The following TRIP11 variants were observed in gnomAD, a reference collection of about 807,000 sequenced individuals.
The protein encoded by TRIP11 is thyroid hormone receptor interactor 11.
Under a neutral mutation model 223.1 loss-of-function variants are expected in TRIP11, and 148 were observed. The ratio of observed to expected loss-of-function variants is 0.66; its 90% CI spans 0.58 to 0.76. The LOEUF (loss-of-function observed/expected upper bound fraction) is 0.76. Among genes scored for constraint, TRIP11 ranks in the 30% least tolerant of loss-of-function variants. The pLI is 0.00. For missense variants in TRIP11, 2,043 were observed against 2,222.0 expected, an observed-to-expected ratio of 0.92 and a Z score of 1.62; for synonymous variants, 762 against 772.6, an observed-to-expected ratio of 0.99 and a Z score of 0.23.
In TRIP11 at chr14:91,966,374, T is replaced by G. The variant is rs1238779465; in HGVS notation, c.*3299A>C. ...ATATTTACAAAACTTAAAGATAAAT[T>G]TTTGTGGATGGAAGATGTCTTGAAT... is the stretch of plus-strand genomic sequence containing the variant. On this transcript the variant is annotated 3_prime_UTR_variant, in exon 21 of 21. Transcript: ENST00000267622. 1.1e-5 allele frequency: 2 copies of G among 184,128 alleles called. No homozygotes were observed. The highest frequency in any genetic ancestry group is 2.3e-5 in the Non-Finnish European group (2 of 86,838). The allele number at this position is 184,128 out of a possible 1,614,324, so 11.4% of individuals were successfully genotyped here.
At chr14:92,017,937 TATC>T (rs2057056250) in intron 4 of TRIP11, among the ~76,000 whole-genome samples, 187 bp from the exon 5 acceptor site, 1 of 152,174 alleles carries the variant, frequency 6.6e-6, no homozygotes, top group African/African-American at 2.4e-5. Context: ...AAATAAAAGA[TATC>T]ATATTTAAGA....
intron 2 of TRIP11, among the ~76,000 whole-genome samples, chr14:92,028,468 G>A (rs2057217964): frequency 6.6e-6 from 1 of 152,108 alleles, no homozygotes; most frequent in Non-Finnish European, 1.5e-5. Flanking sequence ...AGGGAAGACT[G>A]CTTGAACCTG....
Position 92,039,549 on chromosome 14 carries a change from T to C in TRIP11, c.137A>G (p.Glu46Gly), listed in dbSNP as rs1348250500. The change falls in exon 1 of 21, where the codon GAA becomes GGA. Residue 46 changes from glutamate to glycine, a missense_variant and splice_region_variant. Coordinates refer to ENST00000267622, the MANE Select transcript of TRIP11 (RefSeq NM_004239.4). ...DMLMEGTEEV[E>G]AELPDSRTKE... is the part of the protein sequence containing the mutation. ...CCTTCCCTCGCTCCAGCTGTTACCT[T>C]CCACTTCCTCCGTGCCCTCCATCAG... 1.2e-6 allele frequency: 2 copies of C among 1,613,732 alleles called. No individual in the cohort carries two copies. Among genetic ancestry groups the C allele is most frequent in the African/African-American group, 1.3e-5 (1 of 74,998 alleles).
chr14:91,992,774 T>C (rs12432050), intron 15 of TRIP11, among the ~76,000 whole-genome samples: 44 of 151,674 alleles, frequency 2.9e-4, no homozygotes, highest in African/African-American at 9.9e-4. Context: ...CCGGGTGTGG[T>C]GGCGGGCACC....
intron 15 of TRIP11, among the ~76,000 whole-genome samples, chr14:91,992,501 G>T (rs902243907): frequency 6.6e-6 from 1 of 151,994 alleles, no homozygotes; most frequent in African/African-American, 2.4e-5. Context: ...TTATTAGGAA[G>T]TATATCTTCA....
chr14:91,994,007 GT>G, intron 14 of TRIP11, 95 bp from the exon 15 acceptor site: 1 of 904,878 alleles, frequency 1.1e-6, no homozygotes. Context: ...AACGAAAACA[GT>G]TCAAATGTCT....
chr14:91,981,998 T>C (rs1048657907), intron 16 of TRIP11, among the ~76,000 whole-genome samples: 1 of 152,008 alleles, frequency 6.6e-6, no homozygotes, highest in African/African-American at 2.4e-5. Flanking sequence ...AATAAACTTC[T>C]ACTTCTTAGC....
At chr14:91,973,276 G>A (rs143362747) in intron 19 of TRIP11, among the ~76,000 whole-genome samples, 126 of 152,006 alleles carry the variant, frequency 8.3e-4, no homozygotes, top group African/African-American at 2.8e-3. Flanking sequence ...CGCCCACCTC[G>A]GCCTCCCAAA....
chr14:91,978,043 G>A lies in TRIP11; in HGVS notation c.5261-1854C>T, dbSNP rs902451109. Among the ~76,000 whole-genome samples the A allele has an allele frequency of 1.3e-5, 2 of 152,110 alleles. No homozygotes were observed. The highest frequency in any genetic ancestry group is 4.8e-5 in the African/African-American group (2 of 41,412). ...TAAACTTGGACGAGAGAGGGAGAGA[G>A]AGAAGGGGAGAGAGAGGGCGAAAAG... On this transcript the variant is annotated intron_variant, in intron 16 of 20. Transcript: ENST00000267622. The surrounding 1 kb of genome is among the most constrained non-coding windows in gnomAD (Gnocchi z 4.4).
intron 9 of TRIP11, among the ~76,000 whole-genome samples, chr14:92,009,677 C>T (rs916837031): frequency 2.6e-5 from 4 of 152,016 alleles, no homozygotes; most frequent in African/African-American, 7.3e-5. Flanking sequence ...CAGTGTAGTG[C>T]CCACAACTAA....
chr14:92,007,430 G>T (rs1022220743), intron 10 of TRIP11, among the ~76,000 whole-genome samples: 3 of 152,180 alleles, frequency 2.0e-5, no homozygotes, highest in Admixed American at 2.0e-4. Flanking sequence ...TTGAAACATG[G>T]TCACACTCAT....
intron 2 of TRIP11, among the ~76,000 whole-genome samples, chr14:92,027,956 T>G (rs141097085): frequency 1.9e-4 from 29 of 152,328 alleles, no homozygotes; most frequent in Admixed American, 3.9e-4. Context: ...CAGACCTTAA[T>G]TATCCTGAAG....
intron 16 of TRIP11, among the ~76,000 whole-genome samples, chr14:91,985,843 CT>C (rs2056598537): frequency 6.6e-6 from 1 of 152,156 alleles, no homozygotes; most frequent in South Asian, 2.1e-4. Flanking sequence ...TACAGCGATT[CT>C]TTTGAAACAA....
chr14:92,026,770 G>C, intron 2 of TRIP11: 1 of 1,191,912 alleles, frequency 8.4e-7, no homozygotes. Flanking sequence ...TGAGGGTGAG[G>C]AAGAAGGATG....
At position 92,005,517 on chromosome 14, in the gene TRIP11, A is replaced by C; in HGVS notation, c.2459T>G (p.Leu820Arg). ...CTGCAGCTTTGAACTTCTTTCTTTA[A>C]GCTTTTCAATAAAAATTTCTTTCTT... The part of the protein sequence containing the change: ...INKKEIFIEK[L>R]KERSSKLQEE... Residue 820 changes from leucine (L) to arginine (R), a missense_variant, in exon 11 of 21, where the codon CTT (leucine) becomes CGT (arginine). By Grantham distance (102) the Leu-to-Arg change is moderately radical (BLOSUM62 -2). Coordinates refer to ENST00000267622, the MANE Select transcript of TRIP11 (RefSeq NM_004239.4). 6.2e-7 allele frequency: 1 copy of C among 1,611,998 alleles called. No homozygotes were observed. Among genetic ancestry groups the C allele is most frequent in the Non-Finnish European group, 8.5e-7 (1 of 1,179,666 alleles).
chr14:91,969,923 T>C (rs771197107), intron 20 of TRIP11, 30 bp from the exon 21 acceptor site: 4 of 1,592,376 alleles, frequency 2.5e-6, no homozygotes, highest in East Asian at 2.2e-5. Flanking sequence ...TTTAGTCTCC[T>C]ATCTTTCACA....
intron 16 of TRIP11, among the ~76,000 whole-genome samples, chr14:91,984,436 C>A (rs1566847598): frequency 6.6e-6 from 1 of 151,640 alleles, no homozygotes; most frequent in Non-Finnish European, 1.5e-5. Context: ...GTGGCTCAGC[C>A]TCCCAAGAAG....
rs2056348888 is a variant in TRIP11, at chr14:91,967,134, G to GTTTTTTTTTTTTTT, written c.*2538_*2539insAAAAAAAAAAAAAA. Reference sequence around the variant, plus strand: ...CACAATGAAAACATTAGGTACTATAGCTTTTTTTTTTTTTTTTTTTTTTTT... The same window carrying GTTTTTTTTTTTTTT: ...CACAATGAAAACATTAGGTACTATAGTTTTTTTTTTTTTTCTTTTTTTTTTTTTTTTTTTTTTTT... On this transcript the variant is annotated 3_prime_UTR_variant, in exon 21 of 21. Coordinates refer to ENST00000267622, the MANE Select transcript of TRIP11 (RefSeq NM_004239.4). 9 of 113,828 alleles carry GTTTTTTTTTTTTTT rather than the reference G, an allele frequency of 7.9e-5. No individual in the cohort carries two copies. The highest frequency in any genetic ancestry group is 1.0e-4 in the Non-Finnish European group (6 of 58,660). 7.1% of individuals were successfully genotyped at this position (113,828 alleles called of 1,614,324 possible). A position where few individuals can be genotyped will look rare whatever the true frequency, so the allele number is the denominator to read the frequency against.
Position 91,972,219 on chromosome 14 carries a change from T to C in TRIP11, c.5719+498A>G, listed in dbSNP as rs544932456. ...GAGTGCTTTCTACATTCTTGGAGTC[T>C]CAAGTCAGTTTGTTAAACTGCGCTT... On this transcript the variant is annotated intron_variant, in intron 20 of 20. Transcript: ENST00000267622. 1.7e-4 allele frequency among the ~76,000 whole-genome samples: 26 copies of C among 152,368 alleles called. No individual in the cohort carries two copies. In the South Asian group the frequency reaches 2.3e-3, roughly 13 times the overall value.
Sources: allele counts gnomAD v4.1 joint callset (sites outside exome capture counted in the v4.1 genomes callset), GRCh38; gene constraint gnomAD v4.1.1; non-coding constraint Gnocchi (gnomAD v3.1); transcripts MANE v1.5; gene names NCBI Gene and HGNC (gene_info 2026-07-23, HGNC 2026-07-21).